Variants in ALOX15 observed in about 807,000 individuals in gnomAD.
ALOX15 encodes arachidonate 15-lipoxygenase, also known as polyunsaturated fatty acid lipoxygenase ALOX15.
A neutral mutation model predicts 71.7 loss-of-function variants in ALOX15; 68 were observed. That is an observed-to-expected ratio of 0.95 (90% CI 0.78 to 1.16). The LOEUF is 1.16. Among genes scored for constraint, ALOX15 ranks in the 50% most tolerant of loss-of-function variants. The probability of loss-of-function intolerance (pLI) is 0.00; values close to 1 mark genes in which losing one functional copy is unlikely to be tolerated. For synonymous variants in ALOX15, 346 were observed against 333.3 expected, an observed-to-expected ratio of 1.04 and a Z score of -0.42; for missense variants, 798 against 818.8, an observed-to-expected ratio of 0.97 and a Z score of 0.31.
Position 4,638,978 on chromosome 17 carries a change from G to T in ALOX15, c.420-6C>A. ...CGTCCTTCCAGTTTCCCCACCTGTG[G>T]GGCAGGAAGGAAATCAAGTATGGGT... On this transcript the variant is annotated splice_region_variant and splice_polypyrimidine_tract_variant and intron_variant, in intron 3 of 13. Coordinates refer to ENST00000293761, the MANE Select transcript of ALOX15 (RefSeq NM_001140.5). 1 of 1,614,178 alleles carries T rather than the reference G, an allele frequency of 6.2e-7. No homozygotes were observed. Among genetic ancestry groups the T allele is most frequent in the Non-Finnish European group, 8.5e-7 (1 of 1,180,038 alleles).
At position 4,631,741 on chromosome 17, in the gene ALOX15, G is replaced by A; in HGVS notation, c.1848C>T (p.Gly616=). The change falls in exon 14 of 14, where the codon GGC becomes GGT. Residue 616 remains glycine (G), a synonymous_variant. Transcript: ENST00000293761. The part of the protein sequence containing the change: ...VGQHEEEYFS[G]PEPKAVLKKF... Reference sequence around the variant, plus strand: ...TCTTCAGCACAGCCTTAGGCTCAGGGCCCGAAAAATACTCCTCCTCATGCT... The same window carrying A: ...TCTTCAGCACAGCCTTAGGCTCAGGACCCGAAAAATACTCCTCCTCATGCT... 1 of 1,614,094 alleles carries A rather than the reference G, an allele frequency of 6.2e-7. No homozygotes were observed.
intron 6 of ALOX15, among the ~76,000 whole-genome samples, 193 bp from the exon 7 acceptor site, chr17:4,637,451 A>ATCACCACGTGCTCCTTACGTGCTGCCAC: frequency 6.6e-6 from 1 of 152,026 alleles, no homozygotes; most frequent in African/African-American, 2.4e-5. Flanking sequence ...CCCAGGCTGG[A>ATCACCACGTGCTCCTTACGTGCTGCCAC]GTGCGTGGCA....
chr17:4,637,473 G>A (rs1911138380), intron 6 of ALOX15, among the ~76,000 whole-genome samples: 2 of 152,016 alleles, frequency 1.3e-5, no homozygotes. Context: ...GATCACCACG[G>A]CTCACTGCAG....
Position 4,635,844 on chromosome 17 carries a change from G to C in ALOX15, c.1076C>G (p.Ser359Cys). Residue 359 changes from serine (S) to cysteine (C), a missense_variant, in exon 8 of 14, where the codon TCT (serine) becomes TGT (cysteine). Around this residue, in one of 3 missense-constraint regions of ALOX15, gnomAD observed 490 missense variants for 509.4 expected, o/e 0.96. Coordinates refer to ENST00000293761, the MANE Select transcript of ALOX15 (RefSeq NM_001140.5). ...SSDFQLHELQ[S>C]HLLRGHLMAE... ...CATCAAGTGTCCCCTCAGAAGATGA[G>C]ACTGCAGCTCATGGAGCTGGAAGTC... 1.9e-6 allele frequency: 3 copies of C among 1,614,252 alleles called. No homozygotes were observed. Among genetic ancestry groups the C allele is most frequent in the Non-Finnish European group, 2.5e-6 (3 of 1,180,046 alleles).
At chr17:4,635,565 A>C (rs1190095983) in intron 8 of ALOX15, among the ~76,000 whole-genome samples, 194 bp downstream of exon 8, 1 of 152,152 alleles carries the variant, frequency 6.6e-6, no homozygotes, top group Non-Finnish European at 1.5e-5. Flanking sequence ...TATTTTCGCC[A>C]CTTTCCCAGG....
In ALOX15 at chr17:4,632,860, C is replaced by A; in HGVS notation, c.1540+1G>T. ...GATCTCAGGGCAGGGGCTCCTCTTA[C>A]CTCGGTCCTGGGCCCCTTGCAGCCC... On this transcript the variant is annotated splice_donor_variant, in intron 11 of 13. Transcript: ENST00000293761. LOFTEE classifies it high-confidence loss of function. 6.2e-7 allele frequency: 1 copy of A among 1,614,122 alleles called. No individual in the cohort carries two copies. The highest frequency in any genetic ancestry group is 1.1e-5 in the South Asian group (1 of 91,084).
chr17:4,633,389 A>T, intron 9 of ALOX15, 25 bp downstream of exon 9: 1 of 1,613,164 alleles, frequency 6.2e-7, no homozygotes, highest in African/African-American at 1.3e-5. Flanking sequence ...AGACAGACCC[A>T]GAATCTCCCT....
Position 4,639,054 on chromosome 17 carries a change from T to C in ALOX15, c.416A>G (p.Tyr139Cys), listed in dbSNP as rs113604586. 3,526 of 1,614,142 alleles carry C rather than the reference T, an allele frequency of 2.2e-3. 11 individuals carry two copies. Among genetic ancestry groups the C allele is most frequent in the Non-Finnish European group, 2.8e-3 (3,285 of 1,180,008 alleles). ...GGGTCAGGGGAGGAGGGCTCACCGG[T>C]ACAACTTCCTTCTCTCTTCCAGCTC... ...EEELEERRKL[Y>C]RWGNWKDGLI... Residue 139 changes from tyrosine to cysteine, a missense_variant, in exon 3 of 14, where the codon TAC becomes TGC. Around this residue, in one of 3 missense-constraint regions of ALOX15, gnomAD observed 300 missense variants for 283.1 expected, o/e 1.06. Coordinates refer to ENST00000293761, the MANE Select transcript of ALOX15 (RefSeq NM_001140.5).
chr17:4,639,350 C>A (rs1911234187), intron 2 of ALOX15, 80 bp downstream of exon 2: 5 of 1,553,610 alleles, frequency 3.2e-6, no homozygotes, highest in South Asian at 2.3e-5. Context: ...CCCCATCCTG[C>A]GCCCTCTTCT....
At chr17:4,639,328 A>C in intron 2 of ALOX15, 102 bp downstream of exon 2, 1 of 1,456,170 alleles carries the variant, frequency 6.9e-7, no homozygotes, top group South Asian at 1.2e-5. Context: ...CCGGCGCTCC[A>C]GGTTCCAGCA....
Position 4,637,007 on chromosome 17 carries a change from A to T in ALOX15, c.951+108T>A, listed in dbSNP as rs1017256561. 2.3e-5 allele frequency: 31 copies of T among 1,349,392 alleles called. No homozygotes were observed. The Admixed American group carries it at 5.7e-4, about 25-fold the overall frequency. 83.6% of individuals were successfully genotyped at this position (1,349,392 alleles called of 1,614,324 possible). ...CGCATTTCCTCCTTTCGCGTCTCCC[A>T]GGTGCCTTAGCCCAGTGCCTTTGCA... On this transcript the variant is annotated intron_variant, in intron 7 of 13. Coordinates refer to ENST00000293761, the MANE Select transcript of ALOX15 (RefSeq NM_001140.5).
At chr17:4,632,098 C>T (rs749282547) in intron 12 of ALOX15, 42 bp from the exon 13 acceptor site, 15 of 1,609,810 alleles carry the variant, frequency 9.3e-6, no homozygotes, top group East Asian at 4.5e-5. Flanking sequence ...CTACCAAGCA[C>T]GCGAGCCCCG....
chr17:4,631,137 G>A lies in ALOX15; in HGVS notation c.*463C>T, dbSNP rs978748375. 2 of 155,102 alleles carry A rather than the reference G, an allele frequency of 1.3e-5. No homozygotes were observed. Among genetic ancestry groups the A allele is most frequent in the African/African-American group, 4.8e-5 (2 of 41,418 alleles). The allele number at this position is 155,102 out of a possible 1,614,324, so 9.6% of individuals were successfully genotyped here. A position where few individuals can be genotyped will look rare whatever the true frequency, so the allele number is the denominator to read the frequency against. On this transcript the variant is annotated 3_prime_UTR_variant, in exon 14 of 14. Transcript: ENST00000293761. ...CCAGCTACTCAGGAGGCTGAGGTGG[G>A]AGGATCATTTGAGCCCAGGACGCTG...
chr17:4,636,651 C>T (rs1911111264), intron 7 of ALOX15, among the ~76,000 whole-genome samples: 1 of 152,170 alleles, frequency 6.6e-6, no homozygotes, highest in South Asian at 2.1e-4. Context: ...CACCGCGTGC[C>T]CACAGCACGT....
rs776312480 is a variant in ALOX15, at chr17:4,637,266, G to C, written c.808-8C>G. On this transcript the variant is annotated splice_polypyrimidine_tract_variant and splice_region_variant and intron_variant, in intron 6 of 13. Coordinates refer to ENST00000293761, the MANE Select transcript of ALOX15 (RefSeq NM_001140.5). ...TTCGAACAGTGTGCCTCCCTGGGTG[G>C]GGGAAGAGGTCAAGGGCTGCTATCA... The C allele has an allele frequency of 2.5e-6, 4 of 1,606,860 alleles. No homozygotes were observed. The highest frequency in any genetic ancestry group is 3.3e-4 in the Middle Eastern group (2 of 6,036).
rs905495926 is a variant in ALOX15, at chr17:4,631,540, C to T, written c.*60G>A. 1.4e-5 allele frequency: 22 copies of T among 1,591,988 alleles called. No individual in the cohort carries two copies. The highest frequency in any genetic ancestry group is 2.3e-4 in the Middle Eastern group (1 of 4,392). ...ACTTGGGAGGGCAGGGCTATAACCA[C>T]GAAGGGGTCAGCTTGTGGCTTGGGT... On this transcript the variant is annotated 3_prime_UTR_variant, in exon 14 of 14. Coordinates refer to ENST00000293761, the MANE Select transcript of ALOX15 (RefSeq NM_001140.5).
rs566916086 is a variant in ALOX15 at position 4,637,272 on chromosome 17, G to A, written c.808-14C>T. Reference sequence around the variant, plus strand: ...CAGTGTGCCTCCCTGGGTGGGGGAAGAGGTCAAGGGCTGCTATCAACATAA... The same window carrying A: ...CAGTGTGCCTCCCTGGGTGGGGGAAAAGGTCAAGGGCTGCTATCAACATAA... On this transcript the variant is annotated splice_polypyrimidine_tract_variant and intron_variant, in intron 6 of 13. Coordinates refer to ENST00000293761, the MANE Select transcript of ALOX15 (RefSeq NM_001140.5). 123 of 1,603,918 alleles carry A rather than the reference G, an allele frequency of 7.7e-5. 2 individuals are homozygous for A. The South Asian group carries it at 1.1e-3, about 14-fold the overall frequency.
chr17:4,636,692 C>T (rs1911112797), intron 7 of ALOX15, among the ~76,000 whole-genome samples: 1 of 152,224 alleles, frequency 6.6e-6, no homozygotes, highest in Non-Finnish European at 1.5e-5. Flanking sequence ...CTTCCCACCT[C>T]ATACTCCTTA....
At position 4,637,344 on chromosome 17, in the gene ALOX15, G is replaced by A. The variant is rs141161312; in HGVS notation, c.808-86C>T. On this transcript the variant is annotated intron_variant, in intron 6 of 13. Transcript: ENST00000293761. ...TTCCTCCAAGGGGGAAGAGAGTGGA[G>A]CTAACTCGTCTCCATCATCTACTTT... The A allele has an allele frequency of 1.2e-5, 18 of 1,441,018 alleles. No homozygotes were observed. In the East Asian group the frequency reaches 4.3e-4, roughly 34 times the overall value. 89.3% of individuals were successfully genotyped at this position (1,441,018 alleles called of 1,614,324 possible).
Sources: allele counts gnomAD v4.1 joint callset (sites outside exome capture counted in the v4.1 genomes callset), GRCh38; gene constraint gnomAD v4.1.1; regional missense constraint gnomAD v4.1.1; transcripts MANE v1.5; gene names NCBI Gene and HGNC (gene_info 2026-07-23, HGNC 2026-07-21).